The following DPYD variants were observed in gnomAD, a reference collection of about 807,000 sequenced individuals.
DPYD encodes the protein dihydropyrimidine dehydrogenase [NADP(+)].
In DPYD, 109 loss-of-function variants were observed where a neutral mutation model predicts 116.2. That is an observed-to-expected ratio of 0.94 (90% CI 0.80 to 1.10). The LOEUF is 1.10. Among genes scored for constraint, DPYD ranks in the 50% least tolerant of loss-of-function variants. DPYD has a pLI of 0.00. For missense variants in DPYD, 1,302 were observed against 1,254.5 expected (o/e 1.04, Z -0.57); for synonymous variants, 440 against 432.0 (o/e 1.02, Z -0.23).
intron 7 of DPYD, among the ~76,000 whole-genome samples, chr1:97,680,257 G>T (rs1383242099): frequency 6.6e-6 from 1 of 152,098 alleles, no homozygotes. Flanking sequence ...TGAAAATCCA[G>T]CCAAGAGACT....
chr1:97,906,168 T>A (rs1309589712), intron 1 of DPYD, among the ~76,000 whole-genome samples: 1 of 152,042 alleles, frequency 6.6e-6, no homozygotes, highest in Admixed American at 6.6e-5. Flanking sequence ...GATCACCTAA[T>A]TCATTTTCTG....
intron 2 of DPYD, among the ~76,000 whole-genome samples, chr1:97,853,959 C>T (rs1183084774): frequency 6.6e-6 from 1 of 152,124 alleles, no homozygotes; most frequent in Non-Finnish European, 1.5e-5. Flanking sequence ...AATGAAAAGA[C>T]ATTTCTTATA....
rs1676334131 is a variant in DPYD at position 97,450,200 on chromosome 1, G to C, written c.1764C>G (p.Pro588=). The C allele has an allele frequency of 6.2e-7, 1 of 1,613,494 alleles. No homozygotes were observed. The highest frequency in any genetic ancestry group is 1.3e-5 in the African/African-American group (1 of 74,870). The part of the protein sequence containing the change: ...LDKDIVTNVS[P]RIIRGTTSGP... ...CAGAGGTGGTTCCCCGGATGATTCT[G>C]GGGGAAACATTTGTCACAATGTCCT... Residue 588 remains proline (P), a synonymous_variant, in exon 14 of 23, where the codon CCC becomes CCG. Transcript: ENST00000370192.
At position 97,545,721 on chromosome 1, in the gene DPYD, C is replaced by T. The variant is rs574323972; in HGVS notation, c.1524+3839G>A. 213 of 1,192,996 alleles carry T rather than the reference C, an allele frequency of 1.8e-4. 1 individual carries two copies. In the African/African-American group the frequency reaches 2.9e-3, roughly 16 times the overall value. The allele number at this position is 1,192,996 out of a possible 1,614,324, so 73.9% of individuals were successfully genotyped here. A position where few individuals can be genotyped will look rare whatever the true frequency, so the allele number is the denominator to read the frequency against. On this transcript the variant is annotated intron_variant, in intron 12 of 22. Coordinates refer to ENST00000370192, the MANE Select transcript of DPYD (RefSeq NM_000110.4). Reference sequence around the variant, plus strand: ...AAAACTGCCAACTAATAGTAATGGCCCCGAACCGTGAAGAAAGGGAATTTC... The same window carrying T: ...AAAACTGCCAACTAATAGTAATGGCTCCGAACCGTGAAGAAAGGGAATTTC...
intron 11 of DPYD, among the ~76,000 whole-genome samples, chr1:97,551,767 T>G (rs1266873185): frequency 2.6e-5 from 4 of 152,098 alleles, no homozygotes; most frequent in Non-Finnish European, 4.4e-5. Context: ...TCCATATCTG[T>G]GGGTTCCACA....
intron 13 of DPYD, among the ~76,000 whole-genome samples, chr1:97,493,842 G>A (rs67500842): frequency 0.019 from 2,879 of 152,154 alleles, 113 homozygotes; most frequent in African/African-American, 0.065. Context: ...ATTATTGATC[G>A]ATTTCTATAA....
intron 20 of DPYD, among the ~76,000 whole-genome samples, chr1:97,114,322 G>A (rs1490583724): frequency 1.3e-5 from 2 of 152,072 alleles, no homozygotes; most frequent in East Asian, 1.9e-4. Flanking sequence ...TACTCTTCTA[G>A]AGGTATGTGG....
chr1:97,917,573 A>G (rs1159757928), intron 1 of DPYD, among the ~76,000 whole-genome samples: 2 of 152,178 alleles, frequency 1.3e-5, no homozygotes, highest in African/African-American at 4.8e-5. Context: ...AATGCATTTG[A>G]TTTTGTGGAC....
intron 18 of DPYD, among the ~76,000 whole-genome samples, chr1:97,266,346 A>G (rs1570793527): frequency 6.6e-6 from 1 of 152,160 alleles, no homozygotes; most frequent in Admixed American, 6.6e-5. Context: ...ATACGTCTGC[A>G]CCATGGAGAG....
intron 1 of DPYD, among the ~76,000 whole-genome samples, chr1:97,894,616 A>G (rs1672959643): frequency 6.6e-6 from 1 of 151,834 alleles, no homozygotes; most frequent in African/African-American, 2.4e-5. Context: ...ATAATGTAAC[A>G]CTAGCTATTA....
At chr1:97,457,986 G>A (rs894874790) in intron 13 of DPYD, among the ~76,000 whole-genome samples, 2 of 152,062 alleles carry the variant, frequency 1.3e-5, no homozygotes, top group Non-Finnish European at 2.9e-5. Flanking sequence ...AAATTATTGG[G>A]TTCACTGTTC....
At chr1:97,525,422 A>G (rs1412279740) in intron 12 of DPYD, among the ~76,000 whole-genome samples, 1 of 152,124 alleles carries the variant, frequency 6.6e-6, no homozygotes. Context: ...GCTGCTTCCT[A>G]ATCGTACTCT....
intron 12 of DPYD, among the ~76,000 whole-genome samples, chr1:97,531,186 T>A (rs569722805): frequency 6.6e-6 from 1 of 152,328 alleles, no homozygotes; most frequent in Non-Finnish European, 1.5e-5. Context: ...ATGAAATTAT[T>A]GCCAAAACCA....
At chr1:97,584,137 T>C (rs2102221696) in intron 10 of DPYD, among the ~76,000 whole-genome samples, 1 of 152,306 alleles carries the variant, frequency 6.6e-6, no homozygotes, top group South Asian at 2.1e-4. Flanking sequence ...CTCATTGTGG[T>C]TTTGATTTGC....
At chr1:97,319,382 A>C (rs914399161) in intron 16 of DPYD, among the ~76,000 whole-genome samples, 2 of 135,396 alleles carry the variant, frequency 1.5e-5, no homozygotes, top group African/African-American at 5.6e-5. Flanking sequence ...AGACACAATA[A>C]AAAATGATAA....
chr1:97,818,011 A>C (rs968175645), intron 3 of DPYD, among the ~76,000 whole-genome samples: 1 of 152,062 alleles, frequency 6.6e-6, no homozygotes, highest in Non-Finnish European at 1.5e-5. Context: ...CAAAAGCTGC[A>C]TCCCTTCTTT....
intron 18 of DPYD, among the ~76,000 whole-genome samples, chr1:97,258,287 T>C (rs1200254990): frequency 1.3e-5 from 2 of 152,118 alleles, no homozygotes; most frequent in African/African-American, 4.8e-5. Context: ...TTTGCTAAAC[T>C]TCTTTGTACC....
intron 14 of DPYD, among the ~76,000 whole-genome samples, chr1:97,390,707 T>C (rs1672643143): frequency 6.6e-6 from 1 of 151,964 alleles, no homozygotes; most frequent in Non-Finnish European, 1.5e-5. Flanking sequence ...CTATTTCAAA[T>C]ATAGAAAAGT....
intron 14 of DPYD, among the ~76,000 whole-genome samples, chr1:97,388,557 A>G (rs1672492022): frequency 6.6e-6 from 1 of 152,152 alleles, no homozygotes; most frequent in Non-Finnish European, 1.5e-5. Context: ...TGCTTCTGAA[A>G]GTCTGTGTCA....
Sources: allele counts gnomAD v4.1 joint callset (sites outside exome capture counted in the v4.1 genomes callset), GRCh38; gene constraint gnomAD v4.1.1; transcripts MANE v1.5; gene names NCBI Gene and HGNC (gene_info 2026-07-23, HGNC 2026-07-21).